PDE1C: variants seen among roughly 807,000 people sequenced by gnomAD.
The protein encoded by PDE1C is phosphodiesterase 1C, also known as dual specificity calcium/calmodulin-dependent 3',5'-cyclic nucleotide phosphodiesterase 1C.
In PDE1C, 62 loss-of-function variants were observed where a neutral mutation model predicts 93.1. The ratio of observed to expected loss-of-function variants is 0.67; its 90% confidence interval spans 0.54 to 0.82. The LOEUF is 0.82. Ranked by LOEUF, PDE1C falls within the 40% of genes least tolerant of loss-of-function variation. The pLI, the probability that PDE1C is intolerant of heterozygous loss-of-function variation, is 0.00. For synonymous variants in PDE1C, 325 were observed against 310.1 expected, an observed-to-expected ratio of 1.05 and a Z score of -0.50; for missense variants, 742 against 884.6, an observed-to-expected ratio of 0.84 and a Z score of 2.04.
At chr7:32,097,320 A>T (rs2128748352) in intron 3 of PDE1C, among the ~76,000 whole-genome samples, 1 of 152,338 alleles carries the variant, frequency 6.6e-6, no homozygotes, top group Non-Finnish European at 1.5e-5. Flanking sequence ...ACAACATTTA[A>T]ATATAGCTAC....
At chr7:31,812,753 C>T (rs1024851983) in intron 15 of PDE1C, among the ~76,000 whole-genome samples, 2 of 152,044 alleles carry the variant, frequency 1.3e-5, no homozygotes, top group Non-Finnish European at 2.9e-5. Flanking sequence ...AAAAAGCATG[C>T]CAATCCCTGG....
chr7:31,835,662 C>G (rs897016489), intron 11 of PDE1C, among the ~76,000 whole-genome samples: 6 of 151,982 alleles, frequency 3.9e-5, no homozygotes, highest in African/African-American at 1.5e-4. Flanking sequence ...CTTCCCTCCC[C>G]CCGCTCCCCC....
At chr7:32,226,845 T>C (rs1807313747) in intron 1 of PDE1C, among the ~76,000 whole-genome samples, 1 of 152,048 alleles carries the variant, frequency 6.6e-6, no homozygotes, top group African/African-American at 2.4e-5. Context: ...CCACCAATGC[T>C]AGTTAGGGCC....
chr7:32,185,690 T>C (rs17160952), intron 2 of PDE1C, among the ~76,000 whole-genome samples: 17,848 of 152,294 alleles, frequency 0.12, 1,198 homozygotes, highest in Middle Eastern at 0.18. Context: ...ATTTATTTGC[T>C]TATTTTCTTC....
intron 2 of PDE1C, among the ~76,000 whole-genome samples, chr7:31,991,378 C>T (rs1784118481): frequency 6.6e-6 from 1 of 152,188 alleles, no homozygotes; most frequent in African/African-American, 2.4e-5. Context: ...AGCAATGTCT[C>T]TGAGGCTCTC....
chr7:32,184,027 G>C (rs1344836823), intron 2 of PDE1C, among the ~76,000 whole-genome samples: 1 of 152,184 alleles, frequency 6.6e-6, no homozygotes. Context: ...CATTTATGCA[G>C]CCAAAAGACA....
chr7:32,141,942 C>T (rs1347217864), intron 3 of PDE1C, among the ~76,000 whole-genome samples: 1 of 151,470 alleles, frequency 6.6e-6, no homozygotes, highest in Non-Finnish European at 1.5e-5. Flanking sequence ...GTTTATTTAA[C>T]ACCCACCCCC....
chr7:31,915,945 T>C (rs1202124629), intron 2 of PDE1C, among the ~76,000 whole-genome samples: 1 of 152,162 alleles, frequency 6.6e-6, no homozygotes, highest in Non-Finnish European at 1.5e-5. Context: ...AGGTATGATC[T>C]AATAGTAATA....
chr7:32,297,997 C>CTCT (rs60685662), intron 1 of PDE1C, among the ~76,000 whole-genome samples: 3 of 7,868 alleles, frequency 3.8e-4, no homozygotes, highest in Non-Finnish European at 7.3e-4. Flanking sequence ...CTCTCTCTCT[C>CTCT]CTCTCTCTCT....
chr7:31,661,446 C>A, the PDE1C span, among the ~76,000 whole-genome samples: 16 of 152,156 alleles, frequency 1.1e-4, no homozygotes, highest in African/African-American at 3.6e-4. Context: ...GGCGCAGTGG[C>A]TCACACCTGT....
At chr7:31,838,861 C>T (rs745630803) in intron 9 of PDE1C, among the ~76,000 whole-genome samples, 1 of 151,954 alleles carries the variant, frequency 6.6e-6, no homozygotes, top group Non-Finnish European at 1.5e-5. Flanking sequence ...ATACCAAATA[C>T]TTCCATCATC....
At chr7:31,815,319 G>A (rs144001796) in intron 15 of PDE1C, among the ~76,000 whole-genome samples, 13 of 152,176 alleles carry the variant, frequency 8.5e-5, no homozygotes, top group Admixed American at 3.3e-4. Flanking sequence ...TGCTTGGCAC[G>A]TAGTTGTTAA....
chr7:32,189,458 C>A (rs534571410), intron 2 of PDE1C, among the ~76,000 whole-genome samples: 17 of 152,288 alleles, frequency 1.1e-4, no homozygotes, highest in African/African-American at 4.1e-4. Context: ...TGCATAACTA[C>A]CTTGAAGTAT....
downstream of PDE1C, among the ~76,000 whole-genome samples, chr7:31,747,918 A>G (rs1548828): frequency 0.93 from 139,908 of 151,018 alleles, 65,310 homozygotes; most frequent in East Asian, 1. Flanking sequence ...CTCCTGAGCA[A>G]GAAAGGATTA....
chr7:31,849,175 A>G (rs1371449845), intron 8 of PDE1C, among the ~76,000 whole-genome samples: 1 of 152,224 alleles, frequency 6.6e-6, no homozygotes, highest in Admixed American at 6.5e-5. Flanking sequence ...CAACTGATGT[A>G]TATTTCGTGA....
chr7:32,226,725 G>A (rs775625357), intron 1 of PDE1C, among the ~76,000 whole-genome samples: 4 of 152,218 alleles, frequency 2.6e-5, no homozygotes, highest in Non-Finnish European at 5.9e-5. Context: ...GAAGCACGCA[G>A]TATGCAGGAG....
intron 1 of PDE1C, among the ~76,000 whole-genome samples, chr7:32,221,658 C>T (rs983440691): frequency 1.3e-4 from 20 of 152,178 alleles, no homozygotes; most frequent in African/African-American, 4.8e-4. Flanking sequence ...GTTCTAAGAG[C>T]TCATTGGAAA....
chr7:31,959,141 C>CA (rs1263135156), intron 2 of PDE1C, among the ~76,000 whole-genome samples: 1 of 151,996 alleles, frequency 6.6e-6, no homozygotes. Context: ...TAATTGTTTA[C>CA]AAAAAAATAT....
At chr7:31,703,209 C>T in the PDE1C span, among the ~76,000 whole-genome samples, 1 of 152,210 alleles carries the variant, frequency 6.6e-6, no homozygotes. Flanking sequence ...ATTCTCTGTT[C>T]AATCTTATAT....
Sources: gnomAD v4.1 joint callset for allele counts (sites outside exome capture counted in the v4.1 genomes callset) on GRCh38, gnomAD v4.1.1 for gene constraint, MANE v1.5 for transcripts, NCBI Gene and HGNC (gene_info 2026-07-23, HGNC 2026-07-21) for gene names.